The following ADK variants were observed in gnomAD, a reference collection of about 807,000 sequenced individuals.
The protein encoded by ADK is adenosine kinase, also known as N6,N6-dimethyladenosine kinase.
ADK carries 24 observed loss-of-function variants against 44.7 expected under a neutral mutation model. The ratio of observed to expected loss-of-function variants is 0.54; its 90% CI spans 0.39 to 0.76. The LOEUF (loss-of-function observed/expected upper bound fraction) is 0.76, where lower values mean the gene tolerates loss of function less well. ADK is among the 30% of genes least tolerant of loss of function. The probability of loss-of-function intolerance (pLI) is 0.00; values close to 1 mark genes in which losing one functional copy is unlikely to be tolerated. For synonymous variants in ADK, 128 were observed against 142.6 expected, an observed-to-expected ratio of 0.90 and a Z score of 0.73; for missense variants, 321 against 425.1, an observed-to-expected ratio of 0.76 and a Z score of 2.15.
At chr10:74,641,263 A>G (rs1201440541) in intron 9 of ADK, 1 of 152,168 alleles carries the variant, frequency 6.6e-6, no homozygotes, top group East Asian at 1.9e-4. Context: ...CATGCCTAAA[A>G]TCCCAGGCTG....
rs370199291 is a variant in ADK at position 74,570,268 on chromosome 10, A to G, written c.727-19014A>G. 1.6e-3 allele frequency among the ~76,000 whole-genome samples: 245 copies of G among 152,034 alleles called. 1 individual carries two copies. Among genetic ancestry groups the G allele is most frequent in the African/African-American group, 5.7e-3 (237 of 41,442 alleles). On this transcript the variant is annotated intron_variant, in intron 7 of 10. Transcript: ENST00000539909. ...ACTTGGCGATGCGGGCTCTTTTTTG[A>G]TTCCATATGAACTTTAAAGTAGTTT...
intron 3 of ADK, among the ~76,000 whole-genome samples, chr10:74,255,430 G>A (rs1193746498): frequency 6.6e-6 from 1 of 152,072 alleles, no homozygotes. Flanking sequence ...AAGGACACAG[G>A]GTATAATTGC....
chr10:74,335,458 G>C (rs767658956), intron 4 of ADK, among the ~76,000 whole-genome samples: 20 of 152,134 alleles, frequency 1.3e-4, no homozygotes, highest in Non-Finnish European at 2.9e-5. Flanking sequence ...TTTAATGGCT[G>C]AGTAGTTTTC....
chr10:74,407,247 T>A (rs1843976544), intron 6 of ADK, among the ~76,000 whole-genome samples: 1 of 152,188 alleles, frequency 6.6e-6, no homozygotes, highest in Non-Finnish European at 1.5e-5. Flanking sequence ...TGAGCCGCCA[T>A]GTCCAGCATT....
chr10:74,655,044 G>T, intron 9 of ADK: 1 of 217,214 alleles, frequency 4.6e-6, no homozygotes, highest in South Asian at 7.0e-5. Flanking sequence ...AGCAGGCAGC[G>T]ACTGGCACCC....
chr10:74,414,200 C>T (rs1175077998), intron 6 of ADK, among the ~76,000 whole-genome samples: 1 of 151,956 alleles, frequency 6.6e-6, no homozygotes, highest in Non-Finnish European at 1.5e-5. Flanking sequence ...TGCCATAAAC[C>T]TTCGATTTGT....
At chr10:74,706,772 T>C (rs1377236777) in intron 10 of ADK, among the ~76,000 whole-genome samples, 1 of 152,214 alleles carries the variant, frequency 6.6e-6, no homozygotes, top group Non-Finnish European at 1.5e-5. Context: ...TGTCAGTTTC[T>C]ATAAGAAAAA....
chr10:74,373,306 A>G (rs950552808), intron 4 of ADK, among the ~76,000 whole-genome samples: 2 of 152,194 alleles, frequency 1.3e-5, no homozygotes, highest in Non-Finnish European at 2.9e-5. Context: ...GAGCAATAAG[A>G]GAAAAGAATA....
chr10:74,305,131 G>GT (rs1195120626), intron 3 of ADK, among the ~76,000 whole-genome samples: 1 of 152,102 alleles, frequency 6.6e-6, no homozygotes, highest in Non-Finnish European at 1.5e-5. Context: ...ATACTCTCTT[G>GT]TTTAGGGAAT....
At chr10:74,605,155 G>A (rs1318716375) in intron 9 of ADK, among the ~76,000 whole-genome samples, 2 of 152,146 alleles carry the variant, frequency 1.3e-5, no homozygotes, top group African/African-American at 2.4e-5. Flanking sequence ...TGAGATGCTG[G>A]GGTTTTCTAA....
At chr10:74,197,339 A>G (rs771283358) in intron 1 of ADK, among the ~76,000 whole-genome samples, 7 of 152,176 alleles carry the variant, frequency 4.6e-5, no homozygotes, top group Admixed American at 1.3e-4. Context: ...CAAGTCAAAC[A>G]TTATTAACAT....
intron 6 of ADK, among the ~76,000 whole-genome samples, chr10:74,511,790 A>C (rs967227460): frequency 2.0e-5 from 3 of 152,010 alleles, no homozygotes; most frequent in African/African-American, 7.2e-5. Context: ...GATATGGTTT[A>C]TTTCTTTCTC....
rs187050499 is a variant in ADK, at chr10:74,357,677, A to G, written c.274-36464A>G. ...TGTTTGTAAACCTGAAGCGCTTTCT[A>G]TGCTTTCTTCCTTACATAGACCGAT... On this transcript the variant is annotated intron_variant, in intron 4 of 10. Coordinates refer to ENST00000539909, the MANE Select transcript of ADK (RefSeq NM_006721.4). Among the ~76,000 whole-genome samples, 5 of 152,022 alleles carry G rather than the reference A, an allele frequency of 3.3e-5. No individual in the cohort carries two copies. The East Asian group carries it at 9.6e-4, about 29-fold the overall frequency.
intron 1 of ADK, among the ~76,000 whole-genome samples, chr10:74,186,907 G>A (rs1379650071): frequency 6.6e-6 from 1 of 152,162 alleles, no homozygotes; most frequent in African/African-American, 2.4e-5. Flanking sequence ...TATGAGTAAA[G>A]TTGCTATGAA....
intron 1 of ADK, among the ~76,000 whole-genome samples, chr10:74,153,340 CTGCTAAACA>C (rs1188810631): frequency 2.0e-5 from 3 of 152,224 alleles, no homozygotes; most frequent in South Asian, 2.1e-4. Context: ...TTCAGGGGTG[CTGCTAAACA>C]TGCTACATAG....
intron 3 of ADK, among the ~76,000 whole-genome samples, chr10:74,228,204 G>A (rs1306336362): frequency 6.6e-6 from 1 of 152,168 alleles, no homozygotes; most frequent in Non-Finnish European, 1.5e-5. Context: ...ATTGGCATGG[G>A]AAAACAGGGA....
chr10:74,288,671 A>C (rs1847287215), intron 3 of ADK, among the ~76,000 whole-genome samples: 1 of 152,120 alleles, frequency 6.6e-6, no homozygotes, highest in African/African-American at 2.4e-5. Flanking sequence ...GTGAACATAA[A>C]CTTTTAAAAC....
At chr10:74,239,357 T>C (rs1845103370) in intron 3 of ADK, among the ~76,000 whole-genome samples, 1 of 152,130 alleles carries the variant, frequency 6.6e-6, no homozygotes, top group Admixed American at 6.5e-5. Context: ...TTATCTCTTA[T>C]GCAAAGAGAC....
chr10:74,468,817 C>T (rs1415973902), intron 6 of ADK, among the ~76,000 whole-genome samples: 1 of 152,072 alleles, frequency 6.6e-6, no homozygotes, highest in Non-Finnish European at 1.5e-5. Flanking sequence ...TCAATAGTAA[C>T]CCCTTAGTAT....
Sources: gnomAD v4.1 joint callset for allele counts (sites outside exome capture counted in the v4.1 genomes callset) on GRCh38, gnomAD v4.1.1 for gene constraint, MANE v1.5 for transcripts, NCBI Gene and HGNC (gene_info 2026-07-23, HGNC 2026-07-21) for gene names.